Variants in VANGL2 observed in about 807,000 individuals in gnomAD.
The protein encoded by VANGL2 is VANGL planar cell polarity protein 2.
In VANGL2, 14 loss-of-function variants were observed where a neutral mutation model predicts 50.2. The ratio of observed to expected loss-of-function variants is 0.28; its 90% CI spans 0.18 to 0.44. The LOEUF is 0.44. VANGL2 is among the 20% of genes least tolerant of loss of function. The pLI is 1.00. For synonymous variants in VANGL2, 295 were observed against 297.2 expected, an observed-to-expected ratio of 0.99 and a Z score of 0.08; for missense variants, 533 against 701.5, an observed-to-expected ratio of 0.76 and a Z score of 2.71.
rs757715341 is a variant in VANGL2 at position 160,420,406 on chromosome 1, C to G, written c.801-5C>G. ...TCCCACCCCCTCCTGCCGTCTCCCC[C>G]ACAGCATCCAGCGCGTGGCAGTGTG... On this transcript the variant is annotated splice_region_variant and splice_polypyrimidine_tract_variant and intron_variant, in intron 4 of 7. Transcript: ENST00000368061. 1.2e-6 allele frequency: 2 copies of G among 1,614,104 alleles called. No individual in the cohort carries two copies. The highest frequency in any genetic ancestry group is 2.2e-5 in the South Asian group (2 of 91,066).
chr1:160,401,077 AC>A (rs11349338), intron 1 of VANGL2, among the ~76,000 whole-genome samples: 51,264 of 150,842 alleles, frequency 0.34, 8,925 homozygotes, highest in South Asian at 0.49. Flanking sequence ...ACAGCGGAGT[AC>A]CCCCCCCAAC....
At chr1:160,424,021 G>A in intron 6 of VANGL2, 31 bp from the exon 7 acceptor site, 1 of 1,610,512 alleles carries the variant, frequency 6.2e-7, no homozygotes, top group Admixed American at 1.7e-5. Flanking sequence ...AGAGAGGTGG[G>A]CATCTGGCCC....
At position 160,419,175 on chromosome 1, in the gene VANGL2, G is replaced by GCCTTCCTCACGCCTTT; in HGVS notation, c.369_370insTCCTCACGCCTTTCCT (p.Leu124SerfsTer164). 1 of 1,613,748 alleles carries GCCTTCCTCACGCCTTT rather than the reference G, an allele frequency of 6.2e-7. No individual in the cohort carries two copies. Among genetic ancestry groups the GCCTTCCTCACGCCTTT allele is most frequent in the Non-Finnish European group, 8.5e-7 (1 of 1,180,000 alleles). On this transcript the variant is annotated frameshift_variant, in exon 4 of 8. Coordinates refer to ENST00000368061, the MANE Select transcript of VANGL2 (RefSeq NM_020335.3). LOFTEE classifies it high-confidence loss of function. This position sits in a 1 kb window ranked among gnomAD's most constrained non-coding sequence, Gnocchi z 5.8. ...CCCTGGCACTGCTGTCTTTCCTCAC[G>GCCTTCCTCACGCCTTT]CCTCTGGCCTTCCTGCTGCTGCCCC...
Position 160,425,247 on chromosome 1 carries a change from C to T in VANGL2, c.1435C>T (p.Leu479Phe), listed in dbSNP as rs754406064. 4 of 1,614,110 alleles carry T rather than the reference C, an allele frequency of 2.5e-6. No homozygotes were observed. Among genetic ancestry groups the T allele is most frequent in the South Asian group, 1.1e-5 (1 of 91,082 alleles). ...CGGCCTCAAGGATGGCATCGTTTTC[C>T]TCTTAAAACGCCAGGACTTCAGCCT... ...TNGLKDGIVF[L>F]LKRQDFSLVV... Residue 479 changes from leucine to phenylalanine, a missense_variant, in exon 8 of 8, where the codon CTC becomes TTC. Coordinates refer to ENST00000368061, the MANE Select transcript of VANGL2 (RefSeq NM_020335.3).
intron 3 of VANGL2, among the ~76,000 whole-genome samples, chr1:160,418,317 G>T (rs1427695430): frequency 6.6e-6 from 1 of 152,062 alleles, no homozygotes; most frequent in African/African-American, 2.4e-5. Context: ...CTGAGGTTCC[G>T]CCTTTCTAAC....
intron 1 of VANGL2, among the ~76,000 whole-genome samples, chr1:160,402,389 T>C (rs1054700162): frequency 6.6e-6 from 1 of 152,166 alleles, no homozygotes; most frequent in Non-Finnish European, 1.5e-5. Context: ...CTTCTAACTC[T>C]GCCCTGACTC....
At chr1:160,418,877 C>A in intron 3 of VANGL2, 125 bp from the exon 4 acceptor site, 2 of 1,238,282 alleles carry the variant, frequency 1.6e-6, no homozygotes, top group Non-Finnish European at 2.2e-6. Flanking sequence ...TCTCTTCTTT[C>A]TGCCTTCTCC....
At chr1:160,416,970 C>T (rs1325333637) in intron 3 of VANGL2, among the ~76,000 whole-genome samples, 2 of 152,154 alleles carry the variant, frequency 1.3e-5, no homozygotes, top group East Asian at 1.9e-4. Context: ...GGGAGCAGGT[C>T]AATACCTGAA....
chr1:160,403,320 C>T (rs1415949844), intron 1 of VANGL2, among the ~76,000 whole-genome samples: 1 of 152,066 alleles, frequency 6.6e-6, no homozygotes, highest in Non-Finnish European at 1.5e-5. Context: ...GGTGGGGGCT[C>T]TCTTCCAAAG....
In VANGL2 at chr1:160,419,385, C is replaced by T. The variant is rs145717286; in HGVS notation, c.576C>T (p.Leu192=). The change falls in exon 4 of 8, where the codon CTC becomes CTT. Residue 192 remains leucine, a synonymous_variant. Coordinates refer to ENST00000368061, the MANE Select transcript of VANGL2 (RefSeq NM_020335.3). This position sits in a 1 kb window ranked among gnomAD's most constrained non-coding sequence, Gnocchi z 5.8. ...TGCTTATGGTGCTGGTTTTCCTGCT[C>T]GTGGTCTCCTACTGGCTCTTCTATG... ...RALLMVLVFL[L]VVSYWLFYGV... 2.3e-5 allele frequency: 37 copies of T among 1,612,378 alleles called. 1 individual carries two copies. Among genetic ancestry groups the T allele is most frequent in the Admixed American group, 3.3e-5 (2 of 60,004 alleles).
At chr1:160,421,894 T>G (rs1651288009) in intron 6 of VANGL2, among the ~76,000 whole-genome samples, 1 of 152,212 alleles carries the variant, frequency 6.6e-6, no homozygotes, top group Admixed American at 6.5e-5. Flanking sequence ...GGTGCTTTTG[T>G]TGCCTTCAAA....
intron 5 of VANGL2, 44 bp from the exon 6 acceptor site, chr1:160,421,008 C>A: frequency 6.2e-7 from 1 of 1,612,884 alleles, no homozygotes; most frequent in Non-Finnish European, 8.5e-7. Flanking sequence ...GGAAGAGAGG[C>A]CACACTCTGA....
chr1:160,408,086 G>A (rs1411084507), intron 1 of VANGL2, among the ~76,000 whole-genome samples: 1 of 152,048 alleles, frequency 6.6e-6, no homozygotes, highest in African/African-American at 2.4e-5. Flanking sequence ...GGAATGGGGT[G>A]CTATGGGACA....
intron 3 of VANGL2, among the ~76,000 whole-genome samples, chr1:160,416,954 G>A (rs1651085233): frequency 6.6e-6 from 1 of 152,068 alleles, no homozygotes; most frequent in Non-Finnish European, 1.5e-5. Context: ...GGAATTCCTG[G>A]GCCTTGGGAG....
Position 160,419,823 on chromosome 1 carries a change from T to C in VANGL2, c.800+214T>C, listed in dbSNP as rs138742296. Among the ~76,000 whole-genome samples the C allele has an allele frequency of 3.1e-3, 458 of 147,412 alleles. 3 individuals carry two copies. Among genetic ancestry groups the C allele is most frequent in the African/African-American group, 0.011 (443 of 39,350 alleles). On this transcript the variant is annotated intron_variant, in intron 4 of 7. Coordinates refer to ENST00000368061, the MANE Select transcript of VANGL2 (RefSeq NM_020335.3). This position sits in a 1 kb window ranked among gnomAD's most constrained non-coding sequence, Gnocchi z 5.8. ...TACACGGTCTTGGGGCAAGATCAGT[T>C]GGGAGTTATGAGATGGGAATGAATA...
At chr1:160,410,715 C>T (rs1020993042) in intron 1 of VANGL2, among the ~76,000 whole-genome samples, 61 of 150,352 alleles carry the variant, frequency 4.1e-4, no homozygotes, top group Admixed American at 2.6e-3. Context: ...CACGCACGCA[C>T]TACTCTAGGG....
At position 160,415,927 on chromosome 1, in the gene VANGL2, T is replaced by C; in HGVS notation, c.71+19T>C. 1.2e-6 allele frequency: 2 copies of C among 1,613,866 alleles called. No homozygotes were observed. Among genetic ancestry groups the C allele is most frequent in the Non-Finnish European group, 1.7e-6 (2 of 1,179,966 alleles). On this transcript the variant is annotated intron_variant, in intron 2 of 7. Transcript: ENST00000368061. The stretch of plus-strand genomic sequence containing the variant: ...AGCACAGGTGGGCAGGCATGCAGGG[T>C]GACATGCGTGGCGGAGGGAGGGTTG...
intron 6 of VANGL2, 44 bp from the exon 7 acceptor site, chr1:160,424,008 G>A (rs1226945778): frequency 1.2e-6 from 2 of 1,607,182 alleles, no homozygotes; most frequent in African/African-American, 1.3e-5. Flanking sequence ...TGGGGTGGGG[G>A]AAAGAGAGGT....
Position 160,428,015 on chromosome 1 carries a change from T to C in VANGL2, c.*2637T>C, listed in dbSNP as rs934277480. The C allele has an allele frequency of 6.5e-6, 1 of 152,824 alleles. No individual in the cohort carries two copies. Among genetic ancestry groups the C allele is most frequent in the Non-Finnish European group, 1.5e-5 (1 of 68,124 alleles). The allele number at this position is 152,824 out of a possible 1,614,324, so 9.5% of individuals were successfully genotyped here. A position where few individuals can be genotyped will look rare whatever the true frequency, so the allele number is the denominator to read the frequency against. On this transcript the variant is annotated 3_prime_UTR_variant, in exon 8 of 8. Transcript: ENST00000368061. ...TCCCCATTGGTCCTTTCTCCTAAAC[T>C]GGTCTTTGTGCTCTCTTTGTTTTTT...
Sources: allele counts gnomAD v4.1 joint callset (sites outside exome capture counted in the v4.1 genomes callset), GRCh38; gene constraint gnomAD v4.1.1; non-coding constraint Gnocchi (gnomAD v3.1); transcripts MANE v1.5; gene names NCBI Gene and HGNC (gene_info 2026-07-23, HGNC 2026-07-21).